ST6GALNAC5: variants seen among roughly 807,000 people sequenced by gnomAD.
The protein encoded by ST6GALNAC5 is alpha-N-acetylgalactosaminide alpha-2,6-sialyltransferase 5.
In ST6GALNAC5, 27 loss-of-function variants were observed where a neutral mutation model predicts 33.6. That is an observed-to-expected ratio of 0.80 (90% confidence interval 0.59 to 1.11). The LOEUF (loss-of-function observed/expected upper bound fraction) is 1.11. ST6GALNAC5 is among the 50% of genes least tolerant of loss of function. The probability of loss-of-function intolerance (pLI) is 0.00; values close to 1 mark genes in which losing one functional copy is unlikely to be tolerated. For synonymous variants in ST6GALNAC5, 194 were observed against 171.2 expected (o/e 1.13, Z -1.04); for missense variants, 428 against 454.0 (o/e 0.94, Z 0.52).
chr1:76,931,286 AC>A (rs1252667982), intron 2 of ST6GALNAC5, among the ~76,000 whole-genome samples: 2 of 152,082 alleles, frequency 1.3e-5, no homozygotes, highest in Non-Finnish European at 2.9e-5. Flanking sequence ...CCCTGCCAAC[AC>A]CTTCATTTCA....
intron 2 of ST6GALNAC5, among the ~76,000 whole-genome samples, chr1:76,960,775 G>A (rs889959589): frequency 9.2e-5 from 14 of 152,098 alleles, no homozygotes; most frequent in African/African-American, 1.9e-4. Context: ...GCTCTGTTCC[G>A]CCCGGCTCAC....
chr1:76,994,374 C>T (rs548479604), intron 2 of ST6GALNAC5, among the ~76,000 whole-genome samples: 4 of 152,240 alleles, frequency 2.6e-5, no homozygotes, highest in African/African-American at 9.6e-5. Context: ...CTTTGTTGTA[C>T]TGAGTAAGGT....
intron 2 of ST6GALNAC5, among the ~76,000 whole-genome samples, chr1:77,016,166 CT>C (rs1557762257): frequency 0.084 from 54 of 646 alleles, 13 homozygotes; most frequent in Non-Finnish European, 0.2. Context: ...TCCCCTCCTC[CT>C]CCTCCTGTCC....
chr1:76,926,306 G>T (rs1390581160), intron 2 of ST6GALNAC5, among the ~76,000 whole-genome samples: 2 of 152,052 alleles, frequency 1.3e-5, no homozygotes, highest in East Asian at 3.9e-4. Flanking sequence ...AAAATAGCAT[G>T]CTTATTTAGA....
chr1:77,018,063 G>A (rs1378090741), intron 2 of ST6GALNAC5, among the ~76,000 whole-genome samples: 1 of 152,156 alleles, frequency 6.6e-6, no homozygotes, highest in Non-Finnish European at 1.5e-5. Flanking sequence ...TTGGCGCTGA[G>A]CAGTTTATGT....
intron 2 of ST6GALNAC5, among the ~76,000 whole-genome samples, chr1:76,954,166 G>A (rs572453917): frequency 6.6e-6 from 1 of 152,136 alleles, no homozygotes; most frequent in South Asian, 2.1e-4. Context: ...AAAAAAATGT[G>A]GTACATATAC....
intron 2 of ST6GALNAC5, among the ~76,000 whole-genome samples, chr1:77,010,226 G>A (rs1650581505): frequency 6.6e-6 from 1 of 152,168 alleles, no homozygotes; most frequent in Admixed American, 6.5e-5. Context: ...GCCGGGCAGT[G>A]GTTCACACCT....
At chr1:76,958,331 T>C (rs879859592) in intron 2 of ST6GALNAC5, among the ~76,000 whole-genome samples, 6 of 152,260 alleles carry the variant, frequency 3.9e-5, no homozygotes, top group Admixed American at 3.3e-4. Context: ...TTTGTACACA[T>C]TTAACTCAGT....
chr1:77,004,132 T>A (rs1246582460), intron 2 of ST6GALNAC5, among the ~76,000 whole-genome samples: 2 of 151,870 alleles, frequency 1.3e-5, no homozygotes, highest in South Asian at 2.1e-4. Context: ...AGTACACCAA[T>A]CAGACGTAGA....
At chr1:76,986,321 G>T (rs968271949) in intron 2 of ST6GALNAC5, among the ~76,000 whole-genome samples, 10 of 151,806 alleles carry the variant, frequency 6.6e-5, no homozygotes, top group African/African-American at 2.4e-4. Context: ...TTTACAAGAA[G>T]AAAACAAACA....
chr1:76,912,819 C>T (rs1570665772), intron 2 of ST6GALNAC5, among the ~76,000 whole-genome samples: 2 of 152,142 alleles, frequency 1.3e-5, no homozygotes, highest in East Asian at 3.9e-4. Flanking sequence ...TGTGTCTGCA[C>T]ATGAGATGGG....
rs561010985 is a variant in ST6GALNAC5, at chr1:77,013,335, A to T, written c.262-30869A>T. Among the ~76,000 whole-genome samples, 11 of 152,360 alleles carry T rather than the reference A, an allele frequency of 7.2e-5. No homozygotes were observed. In the East Asian group the frequency reaches 7.7e-4, roughly 11 times the overall value. On this transcript the variant is annotated intron_variant, in intron 2 of 4. Transcript: ENST00000477717. ...TGGACAATGGAAGGCATGAAAAGCCATTCAGCCTCGTTTGTGAAGTTAGAA... is the reference window on the plus strand; with the variant it reads ...TGGACAATGGAAGGCATGAAAAGCCTTTCAGCCTCGTTTGTGAAGTTAGAA...
chr1:76,990,947 G>A (rs1045238043), intron 2 of ST6GALNAC5, among the ~76,000 whole-genome samples: 1 of 152,148 alleles, frequency 6.6e-6, no homozygotes, highest in Non-Finnish European at 1.5e-5. Context: ...GTATTGCATA[G>A]CTAGGGCTTC....
At chr1:77,035,669 A>C (rs907113327) in intron 2 of ST6GALNAC5, among the ~76,000 whole-genome samples, 1 of 152,164 alleles carries the variant, frequency 6.6e-6, no homozygotes, top group South Asian at 2.1e-4. Context: ...TAAGCCCATG[A>C]AAAGATGTTC....
At chr1:77,006,886 A>T (rs1365872317) in intron 2 of ST6GALNAC5, among the ~76,000 whole-genome samples, 2 of 152,138 alleles carry the variant, frequency 1.3e-5, no homozygotes, top group African/African-American at 4.8e-5. Context: ...AGATGGCCTC[A>T]GTCATATATC....
Position 76,867,488 on chromosome 1 carries a change from T to C in ST6GALNAC5, c.-188T>C, listed in dbSNP as rs1379240679. The C allele has an allele frequency of 1.7e-5, 14 of 819,744 alleles. No individual in the cohort carries two copies. Among genetic ancestry groups the C allele is most frequent in the Non-Finnish European group, 4.1e-6 (2 of 491,646 alleles). The allele number at this position is 819,744 out of a possible 1,614,324, so 50.8% of individuals were successfully genotyped here. ...CTACGAGGGTCCGGTTCAGTTTTAA[T>C]TCTGTCTCTAATCTCTGCAACAGCC... On this transcript the variant is annotated 5_prime_UTR_variant, in exon 1 of 5. Transcript: ENST00000477717.
At chr1:76,971,373 A>C (rs1648751426) in intron 2 of ST6GALNAC5, among the ~76,000 whole-genome samples, 1 of 152,120 alleles carries the variant, frequency 6.6e-6, no homozygotes, top group Admixed American at 6.6e-5. Context: ...GAGCGAGGAG[A>C]GTAGCACACT....
Position 77,013,626 on chromosome 1 carries a change from G to A in ST6GALNAC5, c.262-30578G>A, listed in dbSNP as rs535294099. On this transcript the variant is annotated intron_variant, in intron 2 of 4. Transcript: ENST00000477717. The stretch of plus-strand genomic sequence containing the variant: ...GGAGAAGCCATCCCTAAATCCTAAC[G>A]CTACATTGTGTATTTCTAAGCACTT... 2.3e-3 allele frequency among the ~76,000 whole-genome samples: 344 copies of A among 152,250 alleles called. 5 individuals carry two copies. Among genetic ancestry groups the A allele is most frequent in the African/African-American group, 7.8e-3 (323 of 41,554 alleles).
At chr1:76,890,158 A>G (rs1653983121) in intron 2 of ST6GALNAC5, among the ~76,000 whole-genome samples, 1 of 152,222 alleles carries the variant, frequency 6.6e-6, no homozygotes, top group South Asian at 2.1e-4. Context: ...CCTACAAACT[A>G]GAACTAAAGC....
Sources: allele counts gnomAD v4.1 joint callset (sites outside exome capture counted in the v4.1 genomes callset), GRCh38; gene constraint gnomAD v4.1.1; transcripts MANE v1.5; gene names NCBI Gene and HGNC (gene_info 2026-07-23, HGNC 2026-07-21).